The following GNG7 variants were observed in gnomAD, a reference collection of about 807,000 sequenced individuals.
GNG7 encodes guanine nucleotide-binding protein G(I)/G(S)/G(O) subunit gamma-7.
GNG7 carries 1 observed loss-of-function variant against 4.0 expected under a neutral mutation model. That is an observed-to-expected ratio of 0.25 (90% confidence interval 0.09 to 1.18). The LOEUF (loss-of-function observed/expected upper bound fraction) is 1.18, where lower values mean the gene tolerates loss of function less well. Ranked by LOEUF, GNG7 falls within the 50% of genes most tolerant of loss-of-function variation. The pLI, the probability that GNG7 is intolerant of heterozygous loss-of-function variation, is 0.50. For missense variants in GNG7, 86 were observed against 91.9 expected, an observed-to-expected ratio of 0.94 and a Z score of 0.26; for synonymous variants, 34 against 36.9, an observed-to-expected ratio of 0.92 and a Z score of 0.29.
chr19:2,645,504 G>T (rs747746972), intron 2 of GNG7, among the ~76,000 whole-genome samples: 2 of 151,842 alleles, frequency 1.3e-5, no homozygotes, highest in Non-Finnish European at 2.9e-5. Context: ...CTCCCAAAGT[G>T]CTGGGATTAC....
intron 3 of GNG7, among the ~76,000 whole-genome samples, chr19:2,525,602 C>T (rs10407365): frequency 0.43 from 65,474 of 151,504 alleles, 14,597 homozygotes; most frequent in African/African-American, 0.57. Context: ...CACAGAAGGG[C>T]TGAACAAAAC....
chr19:2,602,857 C>T (rs147351574), intron 2 of GNG7, among the ~76,000 whole-genome samples: 4 of 151,964 alleles, frequency 2.6e-5, no homozygotes, highest in Non-Finnish European at 2.9e-5. Flanking sequence ...AGGAAAGATG[C>T]GCTACCCACC....
chr19:2,622,125 G>C (rs1981890624), intron 2 of GNG7, among the ~76,000 whole-genome samples: 1 of 151,654 alleles, frequency 6.6e-6, no homozygotes, highest in Admixed American at 6.6e-5. Context: ...TGTCACCCAG[G>C]CTGGAGTGCA....
At chr19:2,545,422 C>T (rs564708915) in intron 3 of GNG7, among the ~76,000 whole-genome samples, 83 of 151,808 alleles carry the variant, frequency 5.5e-4, no homozygotes, top group African/African-American at 1.9e-3. Flanking sequence ...CCGAGGCGGG[C>T]GGATCACTTG....
At chr19:2,544,014 G>A (rs969060824) in intron 3 of GNG7, among the ~76,000 whole-genome samples, 2 of 152,072 alleles carry the variant, frequency 1.3e-5, no homozygotes, top group Admixed American at 1.3e-4. Flanking sequence ...ACCTCTGCCT[G>A]CCTCGAAAAA....
In GNG7 at chr19:2,557,047, T is replaced by G. The variant is rs913630149; in HGVS notation, c.-77-1859A>C. Among the ~76,000 whole-genome samples the G allele has an allele frequency of 8.2e-5, 11 of 133,754 alleles. No individual in the cohort carries two copies. The highest frequency in any genetic ancestry group is 1.8e-4 in the Non-Finnish European group (11 of 60,874). The allele number at this position is 133,754 out of a possible 152,430, so 87.7% of individuals were successfully genotyped here. A position where few individuals can be genotyped will look rare whatever the true frequency, so the allele number is the denominator to read the frequency against. ...CACGCACACACAGACACACGCACACTCACACACATATGCACGCACACAGAC... is the reference window on the plus strand; with the variant it reads ...CACGCACACACAGACACACGCACACGCACACACATATGCACGCACACAGAC... On this transcript the variant is annotated intron_variant, in intron 2 of 4. Coordinates refer to ENST00000382159, the MANE Select transcript of GNG7 (RefSeq NM_052847.3). This position sits in a 1 kb window ranked among gnomAD's most constrained non-coding sequence, Gnocchi z 5.1.
intron 2 of GNG7, among the ~76,000 whole-genome samples, chr19:2,590,370 G>T (rs1373812985): frequency 6.6e-6 from 1 of 152,130 alleles, no homozygotes; most frequent in East Asian, 1.9e-4. Context: ...GCTTAGAAAT[G>T]GTAGAATTGT....
intron 3 of GNG7, among the ~76,000 whole-genome samples, chr19:2,547,953 C>T (rs1487480901): frequency 6.6e-6 from 1 of 152,206 alleles, no homozygotes; most frequent in Non-Finnish European, 1.5e-5. Flanking sequence ...CGGGCACACA[C>T]ATGGCCAAGG....
intron 1 of GNG7, among the ~76,000 whole-genome samples, chr19:2,667,112 G>A (rs1171223153): frequency 6.6e-6 from 1 of 152,158 alleles, no homozygotes; most frequent in Non-Finnish European, 1.5e-5. Flanking sequence ...TTGAGGTCAG[G>A]AGTTCGAGAC....
In GNG7 at chr19:2,560,372, C is replaced by T. The variant is rs75983686; in HGVS notation, c.-77-5184G>A. Among the ~76,000 whole-genome samples, 6 of 152,196 alleles carry T rather than the reference C, an allele frequency of 3.9e-5. No individual in the cohort carries two copies. In the East Asian group the frequency reaches 1.2e-3, roughly 29 times the overall value. ...TCTGTCTCCCACCGGCCCCCAGGGT[C>T]GATTCTCAGGAGAGGAGGTCCGACC... On this transcript the variant is annotated intron_variant, in intron 2 of 4. Coordinates refer to ENST00000382159, the MANE Select transcript of GNG7 (RefSeq NM_052847.3).
intron 3 of GNG7, among the ~76,000 whole-genome samples, chr19:2,530,099 T>C (rs1372869222): frequency 6.6e-6 from 1 of 152,238 alleles, no homozygotes; most frequent in Non-Finnish European, 1.5e-5. Context: ...AAACCCACTC[T>C]CTTGCTGAGG....
chr19:2,643,095 G>GTC, intron 2 of GNG7: 1 of 450,072 alleles, frequency 2.2e-6, no homozygotes, highest in East Asian at 7.2e-5. Flanking sequence ...TGCGCCATTG[G>GTC]CACCGGAAAT....
intron 3 of GNG7, among the ~76,000 whole-genome samples, chr19:2,545,306 C>G (rs185987832): frequency 6.6e-6 from 1 of 152,100 alleles, no homozygotes; most frequent in Non-Finnish European, 1.5e-5. Context: ...ACAATCTGGC[C>G]GCCATGTCTA....
rs5826780 is a variant in GNG7, at chr19:2,662,259, CAA to C, written c.-134-15981_-134-15980del. On this transcript the variant is annotated intron_variant, in intron 1 of 4. Transcript: ENST00000382159. ...TGGGCGACAGAGCGAGACTCCATCT[CAA>C]AAAAAAAAAAAAAAAAAAATCAACC... Among the ~76,000 whole-genome samples the C allele has an allele frequency of 6.9e-3, 505 of 73,596 alleles. 3 individuals carry two copies. Among genetic ancestry groups the C allele is most frequent in the African/African-American group, 0.022 (431 of 19,442 alleles). The allele number at this position is 73,596 out of a possible 152,430, so 48.3% of individuals were successfully genotyped here. A position where few individuals can be genotyped will look rare whatever the true frequency, so the allele number is the denominator to read the frequency against.
rs1274855495 is a variant in GNG7, at chr19:2,617,126, A to G, written c.-78+29098T>C. Among the ~76,000 whole-genome samples the G allele has an allele frequency of 6.6e-6, 1 of 152,236 alleles. No homozygotes were observed. The highest frequency in any genetic ancestry group is 1.5e-5 in the Non-Finnish European group (1 of 68,040). Reference sequence around the variant, plus strand: ...AGTCTCTGACGTTCAGGGCTGGATCATTCTCTGGGATGGGGCCATCCTGGT... The same window carrying G: ...AGTCTCTGACGTTCAGGGCTGGATCGTTCTCTGGGATGGGGCCATCCTGGT... On this transcript the variant is annotated intron_variant, in intron 2 of 4. Transcript: ENST00000382159. This position sits in a 1 kb window ranked among gnomAD's most constrained non-coding sequence, Gnocchi z 4.7.
chr19:2,590,541 C>A (rs1186896610), intron 2 of GNG7, among the ~76,000 whole-genome samples: 1 of 148,132 alleles, frequency 6.8e-6, no homozygotes, highest in East Asian at 2.0e-4. Context: ...ACCCAACCAA[C>A]CATCCATCCA....
intron 2 of GNG7, among the ~76,000 whole-genome samples, chr19:2,598,642 G>T (rs1349710110): frequency 6.6e-6 from 1 of 150,690 alleles, no homozygotes; most frequent in Non-Finnish European, 1.5e-5. Context: ...GAGCGACAGA[G>T]CGAGACTCCG....
chr19:2,536,324 A>T (rs1978735317), intron 3 of GNG7, among the ~76,000 whole-genome samples: 1 of 151,992 alleles, frequency 6.6e-6, no homozygotes, highest in Non-Finnish European at 1.5e-5. Flanking sequence ...AGGCTGAGGC[A>T]GGAGAATTGC....
intron 2 of GNG7, among the ~76,000 whole-genome samples, chr19:2,572,184 G>T (rs1980168846): frequency 6.6e-6 from 1 of 151,704 alleles, no homozygotes; most frequent in Non-Finnish European, 1.5e-5. Flanking sequence ...ACAACACCAG[G>T]CTAATTTTTT....
Sources: gnomAD v4.1 joint callset for allele counts (sites outside exome capture counted in the v4.1 genomes callset) on GRCh38, gnomAD v4.1.1 for gene constraint, Gnocchi (gnomAD v3.1) non-coding constraint, MANE v1.5 for transcripts, NCBI Gene and HGNC (gene_info 2026-07-23, HGNC 2026-07-21) for gene names.